LRP1B: variants seen among roughly 807,000 people sequenced by gnomAD.
The protein encoded by LRP1B is low-density lipoprotein receptor-related protein 1B.
LRP1B carries 217 observed loss-of-function variants against 556.6 expected under a neutral mutation model. The observed-to-expected ratio is 0.39, with a 90% confidence interval of 0.35 to 0.44. LRP1B has a LOEUF of 0.44. LRP1B is among the 20% of genes least tolerant of loss of function. The pLI is 1.00. For synonymous variants in LRP1B, 2,047 were observed against 1,865.8 expected (o/e 1.10, Z -2.50); for missense variants, 5,053 against 5,620.8 (o/e 0.90, Z 3.23).
intron 1 of LRP1B, among the ~76,000 whole-genome samples, chr2:141,961,653 A>G (rs1269188616): frequency 6.6e-6 from 1 of 151,746 alleles, no homozygotes; most frequent in Non-Finnish European, 1.5e-5. Flanking sequence ...TATTCATTGT[A>G]TGGTGGACAG....
chr2:141,747,701 AACATT>A (rs1203095180), intron 2 of LRP1B, among the ~76,000 whole-genome samples: 1 of 152,184 alleles, frequency 6.6e-6, no homozygotes, highest in Admixed American at 6.5e-5. Flanking sequence ...AGACCTTGAT[AACATT>A]GTGTTTGGGT....
At chr2:142,104,537 T>A (rs903063278) in intron 1 of LRP1B, among the ~76,000 whole-genome samples, 2 of 152,102 alleles carry the variant, frequency 1.3e-5, no homozygotes, top group African/African-American at 4.8e-5. Flanking sequence ...TTGAGTCCTG[T>A]GAGTGTTTAT....
chr2:141,941,092 A>G (rs1447764022), intron 1 of LRP1B, among the ~76,000 whole-genome samples: 1 of 152,244 alleles, frequency 6.6e-6, no homozygotes, highest in African/African-American at 2.4e-5. Flanking sequence ...TTAAAAACAG[A>G]TAAGACCAAT....
At chr2:140,526,698 CAAAA>C (rs35329112) in intron 47 of LRP1B, among the ~76,000 whole-genome samples, 2 of 136,296 alleles carry the variant, frequency 1.5e-5, no homozygotes, top group African/African-American at 5.4e-5. Flanking sequence ...AGCACTGAGC[CAAAA>C]AAAAAAAAAA....
chr2:142,079,414 C>A (rs923040488), intron 1 of LRP1B, among the ~76,000 whole-genome samples: 2 of 152,116 alleles, frequency 1.3e-5, no homozygotes, highest in African/African-American at 2.4e-5. Context: ...TCTCAAATTT[C>A]AACTAAGTGC....
chr2:142,080,609 T>TC (rs78604613), intron 1 of LRP1B, among the ~76,000 whole-genome samples: 29,899 of 152,136 alleles, frequency 0.2, 3,207 homozygotes, highest in Middle Eastern at 0.42. Context: ...ATAAAAGCAA[T>TC]CACTCACCTC....
intron 66 of LRP1B, among the ~76,000 whole-genome samples, chr2:140,422,403 G>A (rs1281376549): frequency 2.0e-5 from 3 of 152,166 alleles, no homozygotes; most frequent in Non-Finnish European, 4.4e-5. Flanking sequence ...CACAGCAGTG[G>A]AGAACAGTGA....
At chr2:140,737,195 G>T (rs139765301) in intron 35 of LRP1B, among the ~76,000 whole-genome samples, 1 of 152,088 alleles carries the variant, frequency 6.6e-6, no homozygotes, top group Non-Finnish European at 1.5e-5. Flanking sequence ...AAGGCCCTAG[G>T]GAGAAGGACC....
intron 2 of LRP1B, among the ~76,000 whole-genome samples, chr2:141,722,763 T>C (rs910372487): frequency 6.6e-6 from 1 of 151,968 alleles, no homozygotes; most frequent in South Asian, 2.1e-4. Context: ...GATAGATAGA[T>C]AGATAGATAG....
At chr2:140,580,557 C>T (rs1320119522) in intron 43 of LRP1B, among the ~76,000 whole-genome samples, 1 of 152,108 alleles carries the variant, frequency 6.6e-6, no homozygotes, top group African/African-American at 2.4e-5. Context: ...GTGTAACAGC[C>T]TATTAAATAA....
intron 86 of LRP1B, among the ~76,000 whole-genome samples, chr2:140,266,610 AGCT>A (rs1682213825): frequency 6.6e-6 from 1 of 151,858 alleles, no homozygotes; most frequent in Non-Finnish European, 1.5e-5. Context: ...TTCTATTCTC[AGCT>A]ACCTTGGCCT....
At chr2:142,018,560 C>A (rs1343555059) in intron 1 of LRP1B, among the ~76,000 whole-genome samples, 1 of 151,844 alleles carries the variant, frequency 6.6e-6, no homozygotes, top group South Asian at 2.1e-4. Flanking sequence ...ATAATAAAAT[C>A]CAAGCCATAT....
intron 7 of LRP1B, among the ~76,000 whole-genome samples, chr2:141,097,885 T>C (rs994411160): frequency 5.3e-5 from 8 of 152,326 alleles, no homozygotes; most frequent in Admixed American, 1.3e-4. Flanking sequence ...ACAAATTAAG[T>C]GAGCCTAGAA....
intron 35 of LRP1B, among the ~76,000 whole-genome samples, chr2:140,732,336 T>C (rs899360319): frequency 5.9e-5 from 9 of 152,134 alleles, no homozygotes; most frequent in African/African-American, 2.2e-4. Context: ...ATCTTTGATG[T>C]TTTTTACTTG....
chr2:141,453,165 A>G (rs1681487812), intron 3 of LRP1B, among the ~76,000 whole-genome samples: 1 of 151,998 alleles, frequency 6.6e-6, no homozygotes, highest in Admixed American at 6.6e-5. Flanking sequence ...TGAACCCAGG[A>G]GACAGAGTTT....
intron 79 of LRP1B, among the ~76,000 whole-genome samples, chr2:140,331,031 T>C (rs1680782526): frequency 6.6e-6 from 1 of 152,098 alleles, no homozygotes; most frequent in Non-Finnish European, 1.5e-5. Context: ...AGTACTACAA[T>C]AGTATTTCAT....
At chr2:140,891,568 A>G (rs1476175019) in intron 23 of LRP1B, among the ~76,000 whole-genome samples, 1 of 152,166 alleles carries the variant, frequency 6.6e-6, no homozygotes, top group African/African-American at 2.4e-5. Context: ...CATCAGATAC[A>G]TTTATTTTAC....
intron 1 of LRP1B, among the ~76,000 whole-genome samples, chr2:141,898,215 A>G (rs1699511402): frequency 6.6e-6 from 1 of 152,038 alleles, no homozygotes; most frequent in Non-Finnish European, 1.5e-5. Flanking sequence ...TCTGTCCTCC[A>G]TCGCCTCCAC....
At chr2:140,430,367 C>T (rs1226000586) in intron 66 of LRP1B, among the ~76,000 whole-genome samples, 2 of 152,160 alleles carry the variant, frequency 1.3e-5, no homozygotes, top group Non-Finnish European at 2.9e-5. Context: ...AAAGAGGCTT[C>T]CTCACTACTC....
Sources: allele counts gnomAD v4.1 joint callset (sites outside exome capture counted in the v4.1 genomes callset), GRCh38; gene constraint gnomAD v4.1.1; transcripts MANE v1.5; gene names NCBI Gene and HGNC (gene_info 2026-07-23, HGNC 2026-07-21).